GLYR1: variants seen among roughly 807,000 people sequenced by gnomAD.
GLYR1 encodes the protein cytokine-like nuclear factor N-PAC.
GLYR1 carries 21 observed loss-of-function variants against 72.7 expected under a neutral mutation model. The observed-to-expected ratio is 0.29, with a 90% CI of 0.20 to 0.42. GLYR1 has a LOEUF of 0.42. Ranked by LOEUF, GLYR1 falls within the 10% of genes least tolerant of loss-of-function variation. GLYR1 has a pLI of 1.00. For missense variants in GLYR1, 594 were observed against 712.1 expected (o/e 0.83, Z 1.89); for synonymous variants, 392 against 270.2 (o/e 1.45, Z -4.42).
intron 3 of GLYR1, chr16:4,843,759 G>A (rs1420570037): frequency 6.8e-6 from 4 of 584,382 alleles, no homozygotes; most frequent in Non-Finnish European, 9.7e-6. Context: ...ATCTAAGGCT[G>A]TATTTTCCTA....
At chr16:4,807,824 A>T (rs115617199) in intron 15 of GLYR1, among the ~76,000 whole-genome samples, 2 of 152,252 alleles carry the variant, frequency 1.3e-5, no homozygotes, top group African/African-American at 4.8e-5. Flanking sequence ...GAATTCTACT[A>T]TCCAGAGAGA....
intron 5 of GLYR1, among the ~76,000 whole-genome samples, chr16:4,828,636 G>A (rs185240625): frequency 1.4e-4 from 22 of 152,120 alleles, no homozygotes; most frequent in African/African-American, 5.1e-4. Context: ...CTGTACAAAC[G>A]GCCAGTGTCT....
chr16:4,818,956 C>T (rs956707239), intron 9 of GLYR1, among the ~76,000 whole-genome samples: 1 of 152,180 alleles, frequency 6.6e-6, no homozygotes, highest in Admixed American at 6.6e-5. Flanking sequence ...CATTCACATA[C>T]TCCGCCTGCT....
chr16:4,808,557 CA>C (rs1424864365), intron 15 of GLYR1, among the ~76,000 whole-genome samples: 2 of 152,092 alleles, frequency 1.3e-5, no homozygotes, highest in African/African-American at 4.8e-5. Context: ...GAGATTACAC[CA>C]TTGCACTCCA....
intron 7 of GLYR1, among the ~76,000 whole-genome samples, chr16:4,822,157 G>A (rs1330220523): frequency 6.6e-6 from 1 of 152,218 alleles, no homozygotes; most frequent in Non-Finnish European, 1.5e-5. Context: ...CACCATCTCG[G>A]CTTGCTGCAA....
intron 1 of GLYR1, 145 bp downstream of exon 1, chr16:4,847,083 C>G (rs1275419304): frequency 1.3e-6 from 1 of 762,288 alleles, no homozygotes; most frequent in Non-Finnish European, 2.1e-6. Context: ...CCGCCTGGCG[C>G]CGCTCGCAAG....
intron 3 of GLYR1, among the ~76,000 whole-genome samples, chr16:4,837,367 G>A (rs143521794): frequency 0.01 from 1,539 of 151,924 alleles, 11 homozygotes; most frequent in Non-Finnish European, 0.016. Context: ...GGAGGTGGAG[G>A]TTGTAGTGAG....
chr16:4,810,364 G>C (rs1444582514), intron 15 of GLYR1, among the ~76,000 whole-genome samples: 1 of 151,764 alleles, frequency 6.6e-6, no homozygotes, highest in Non-Finnish European at 1.5e-5. Context: ...GGGCGGGTTG[G>C]GGCACGCCTG....
At chr16:4,808,905 G>A (rs1284074133) in intron 15 of GLYR1, among the ~76,000 whole-genome samples, 1 of 152,150 alleles carries the variant, frequency 6.6e-6, no homozygotes, top group East Asian at 1.9e-4. Flanking sequence ...AGTCAAGGCT[G>A]CAGTGAGCTA....
At chr16:4,814,048 T>C (rs1159992736) in intron 11 of GLYR1, 7 of 420,934 alleles carry the variant, frequency 1.7e-5, no homozygotes, top group African/African-American at 1.5e-4. Context: ...TGTGAGTGTG[T>C]GCATTTCTTT....
intron 9 of GLYR1, among the ~76,000 whole-genome samples, chr16:4,819,965 T>C (rs2083907070): frequency 6.6e-6 from 1 of 152,158 alleles, no homozygotes; most frequent in Non-Finnish European, 1.5e-5. Flanking sequence ...TTTCCTTTCT[T>C]GGTGTTCTAG....
chr16:4,817,365 C>G (rs1002974695), intron 10 of GLYR1, among the ~76,000 whole-genome samples: 1 of 151,968 alleles, frequency 6.6e-6, no homozygotes, highest in East Asian at 1.9e-4. Flanking sequence ...ATGATCCGCC[C>G]GCCTCAGCCT....
intron 10 of GLYR1, among the ~76,000 whole-genome samples, chr16:4,817,371 A>G (rs991542691): frequency 5.9e-5 from 9 of 152,124 alleles, no homozygotes; most frequent in Non-Finnish European, 8.8e-5. Flanking sequence ...CGCCCGCCTC[A>G]GCCTCCCAAA....
Position 4,845,130 on chromosome 16 carries a change from C to G in GLYR1, c.99G>C (p.Leu33Phe). 6.2e-7 allele frequency: 1 copy of G among 1,614,130 alleles called. No homozygotes were observed. Among genetic ancestry groups the G allele is most frequent in the Non-Finnish European group, 8.5e-7 (1 of 1,179,974 alleles). ...PGKIVNPPKDLKKPRGKKCFF... is the reference protein window; with the variant it reads ...PGKIVNPPKDFKKPRGKKCFF... ...AGCATTTCTTTCCGCGAGGTTTCTT[C>G]AAGTCCTTTGGTGGATTAACAATCT... The change falls in exon 3 of 16, where the codon TTG (leucine) becomes TTC (phenylalanine). Residue 33 changes from leucine (L) to phenylalanine (F), a missense_variant. Transcript: ENST00000321919.
intron 5 of GLYR1, among the ~76,000 whole-genome samples, chr16:4,827,476 C>T (rs757315840): frequency 7.2e-5 from 11 of 152,124 alleles, no homozygotes; most frequent in Admixed American, 1.3e-4. Context: ...GCACAAAGAA[C>T]AGGCAGGAAG....
rs963420544 is a variant in GLYR1, at chr16:4,829,675, A to AT, written c.537+2303dup. Among the ~76,000 whole-genome samples the AT allele has an allele frequency of 2.8e-4, 39 of 140,372 alleles. 1 individual carries two copies. Among genetic ancestry groups the AT allele is most frequent in the East Asian group, 4.3e-4 (2 of 4,656 alleles). The allele number at this position is 140,372 out of a possible 152,430, so 92.1% of individuals were successfully genotyped here. On this transcript the variant is annotated intron_variant, in intron 5 of 15. Coordinates refer to ENST00000321919, the MANE Select transcript of GLYR1 (RefSeq NM_032569.4). ...CTAATTTTTAATTCATTTATATTAA[A>AT]TTTTTTTTTTTCTTTGAGACGGAGT...
chr16:4,841,398 A>C (rs1466826602), intron 3 of GLYR1, among the ~76,000 whole-genome samples: 1 of 137,398 alleles, frequency 7.3e-6, no homozygotes, highest in Non-Finnish European at 1.5e-5. Flanking sequence ...AGGTGGGAGG[A>C]TCACTTGAGC....
intron 5 of GLYR1, among the ~76,000 whole-genome samples, chr16:4,824,796 C>A (rs1006069880): frequency 6.6e-6 from 1 of 152,148 alleles, no homozygotes; most frequent in Non-Finnish European, 1.5e-5. Flanking sequence ...TGGTCCCTCT[C>A]GACTGCTCTG....
intron 3 of GLYR1, 168 bp from the exon 4 acceptor site, chr16:4,833,080 T>A (rs1035996909): frequency 4.0e-6 from 2 of 504,746 alleles, no homozygotes; most frequent in Non-Finnish European, 6.7e-6. Flanking sequence ...GAGTCTTATG[T>A]CTAAAGTATA....
Sources: gnomAD v4.1 joint callset for allele counts (sites outside exome capture counted in the v4.1 genomes callset) on GRCh38, gnomAD v4.1.1 for gene constraint, MANE v1.5 for transcripts, NCBI Gene and HGNC (gene_info 2026-07-23, HGNC 2026-07-21) for gene names.